The following PKD2L1 variants were observed in gnomAD, a reference collection of about 807,000 sequenced individuals.
The protein encoded by PKD2L1 is polycystin-2-like protein 1.
Under a neutral mutation model 93.0 loss-of-function variants are expected in PKD2L1, and 77 were observed. That is an observed-to-expected ratio of 0.83 (90% CI 0.69 to 1.00). The LOEUF is 1.00. PKD2L1 is among the 50% of genes least tolerant of loss of function. The pLI, the probability that PKD2L1 is intolerant of heterozygous loss-of-function variation, is 0.00. For synonymous variants in PKD2L1, 390 were observed against 388.0 expected (o/e 1.01, Z -0.06); for missense variants, 977 against 990.9 (o/e 0.99, Z 0.19).
chr10:100,290,202 G>A, intron 13 of PKD2L1, 64 bp from the exon 14 acceptor site: 1 of 1,599,268 alleles, frequency 6.3e-7, no homozygotes, highest in Non-Finnish European at 8.5e-7. Context: ...GATGTCTAAA[G>A]AGCCAGGGTT....
chr10:100,290,553 A>T (rs1365106976), intron 12 of PKD2L1, 34 bp from the exon 13 acceptor site: 1 of 1,401,630 alleles, frequency 7.1e-7, no homozygotes, highest in African/African-American at 1.4e-5. Context: ...AGGGGAGGAG[A>T]TAACTCTGGG....
intron 2 of PKD2L1, among the ~76,000 whole-genome samples, chr10:100,313,709 C>A (rs1050138885): frequency 6.6e-6 from 1 of 152,188 alleles, no homozygotes; most frequent in Non-Finnish European, 1.5e-5. Flanking sequence ...TGAGTTATAT[C>A]TATCTACCCT....
Position 100,293,064 on chromosome 10 carries a change from G to T in PKD2L1, c.1764C>A (p.Tyr588Ter). 1.2e-6 allele frequency: 2 copies of T among 1,613,872 alleles called. No homozygotes were observed. The highest frequency in any genetic ancestry group is 1.7e-6 in the Non-Finnish European group (2 of 1,179,888). Residue 588 changes from tyrosine to a stop codon, truncating the protein, a stop_gained, in exon 11 of 16, where the codon TAC (tyrosine) becomes TAA (stop). Transcript: ENST00000318222. LOFTEE classifies it high-confidence loss of function. ...LQLSDLLKQG[Y>*]NKTLLRLRLR... ...GACGCAGTCTTAGTAGGGTCTTGTT[G>T]TAGCCCTGAAAGGGAAAGGAAATAG...
At chr10:100,305,238 A>G (rs1848771880) in intron 2 of PKD2L1, among the ~76,000 whole-genome samples, 1 of 151,270 alleles carries the variant, frequency 6.6e-6, no homozygotes, top group South Asian at 2.1e-4. Flanking sequence ...CAGGCTCCTG[A>G]GTAGCTGGGA....
chr10:100,294,611 G>A lies in PKD2L1; in HGVS notation c.1583C>T (p.Ala528Val). The change falls in exon 9 of 16, where the codon GCT (alanine) becomes GTT (valine). Residue 528 changes from alanine to valine, a missense_variant. Ala to Val is a moderately conservative substitution (Grantham distance 64). Coordinates refer to ENST00000318222, the MANE Select transcript of PKD2L1 (RefSeq NM_016112.3). ...CAGGATGCGGTTGGCATTGTCGATA[G>A]CATTGTAGTCAAAGTCCCCGAGGAT... ...RIILGDFDYN[A>V]IDNANRILGP... 6.2e-7 allele frequency: 1 copy of A among 1,613,970 alleles called. No individual in the cohort carries two copies. The highest frequency in any genetic ancestry group is 8.5e-7 in the Non-Finnish European group (1 of 1,179,902).
chr10:100,321,746 AGAAAGAAAGAAGGGAGGGAGGGAG>A (rs1849246613), intron 2 of PKD2L1, among the ~76,000 whole-genome samples: 1 of 6,472 alleles, frequency 1.5e-4, no homozygotes, highest in Non-Finnish European at 3.8e-4. Flanking sequence ...AAAGAAAGAA[AGAAAGAAAGAAGGGAGGGAGGGAG>A]GGAGGGAGGG....
intron 2 of PKD2L1, among the ~76,000 whole-genome samples, chr10:100,315,116 G>A (rs11190473): frequency 0.26 from 18,533 of 70,980 alleles, 5,666 homozygotes; most frequent in African/African-American, 0.48. Flanking sequence ...GAAGGGAAGG[G>A]AAGAGAAAAC....
Position 100,297,220 on chromosome 10 carries a change from G to C in PKD2L1, c.957-12C>G, listed in dbSNP as rs367847029. 2 of 1,611,012 alleles carry C rather than the reference G, an allele frequency of 1.2e-6. No individual in the cohort carries two copies. The highest frequency in any genetic ancestry group is 2.2e-5 in the South Asian group (2 of 90,972). On this transcript the variant is annotated splice_polypyrimidine_tract_variant and intron_variant, in intron 5 of 15. Coordinates refer to ENST00000318222, the MANE Select transcript of PKD2L1 (RefSeq NM_016112.3). ...ACTCCACCACCAGCCTATAGGGGGA[G>C]GGGGAGATGACCTCCAGTGGAGCCT...
chr10:100,304,237 C>A (rs974371057), intron 2 of PKD2L1, among the ~76,000 whole-genome samples: 1 of 152,194 alleles, frequency 6.6e-6, no homozygotes, highest in Non-Finnish European at 1.5e-5. Flanking sequence ...TACAAACACT[C>A]TTTCTCCCTC....
intron 9 of PKD2L1, among the ~76,000 whole-genome samples, chr10:100,294,100 G>A (rs1259454421): frequency 6.6e-6 from 1 of 152,136 alleles, no homozygotes; most frequent in Non-Finnish European, 1.5e-5. Context: ...GTGACAGAGT[G>A]AGACCCTGTC....
chr10:100,302,350 G>A (rs1463073255), intron 2 of PKD2L1, among the ~76,000 whole-genome samples: 1 of 150,756 alleles, frequency 6.6e-6, no homozygotes, highest in Non-Finnish European at 1.5e-5. Flanking sequence ...TATTTATTTT[G>A]TTGCTCAGGT....
intron 2 of PKD2L1, among the ~76,000 whole-genome samples, chr10:100,306,626 C>T (rs543725313): frequency 1.3e-5 from 2 of 151,850 alleles, no homozygotes; most frequent in African/African-American, 2.4e-5. Flanking sequence ...CTTTGAGAGG[C>T]CAAAGCGAGT....
chr10:100,299,745 C>A, intron 2 of PKD2L1, 27 bp from the exon 3 acceptor site: 1 of 1,610,464 alleles, frequency 6.2e-7, no homozygotes, highest in Non-Finnish European at 8.5e-7. Flanking sequence ...GAGGCTATGT[C>A]CTTCTCACTG....
intron 2 of PKD2L1, among the ~76,000 whole-genome samples, chr10:100,309,695 G>A (rs1393365058): frequency 6.6e-6 from 1 of 152,088 alleles, no homozygotes; most frequent in African/African-American, 2.4e-5. Context: ...ACCCATTTCA[G>A]GTCAAGGAGT....
intron 2 of PKD2L1, among the ~76,000 whole-genome samples, chr10:100,307,281 C>T (rs1848825885): frequency 6.6e-6 from 1 of 152,192 alleles, no homozygotes; most frequent in African/African-American, 2.4e-5. Context: ...CCAAGGAAAA[C>T]AACTAATGGA....
At position 100,294,982 on chromosome 10, in the gene PKD2L1, C is replaced by G. The variant is rs201327385; in HGVS notation, c.1498G>C (p.Gly500Arg). 1 of 1,614,038 alleles carries G rather than the reference C, an allele frequency of 6.2e-7. No homozygotes were observed. Among genetic ancestry groups the G allele is most frequent in the South Asian group, 1.1e-5 (1 of 91,070 alleles). The stretch of plus-strand genomic sequence containing the variant: ...GTGCTAAAGTTTTCCACTTGGGTCC[C>G]GAAAAGCAGGTAGCCGAGTTGGGCA... ...AYAQLGYLLF[G>R]TQVENFSTFI... Residue 500 changes from glycine (G) to arginine (R), a missense_variant, in exon 8 of 16, where the codon GGG becomes CGG. Coordinates refer to ENST00000318222, the MANE Select transcript of PKD2L1 (RefSeq NM_016112.3).
In PKD2L1 at chr10:100,329,298, T is replaced by A. The variant is rs756844053; in HGVS notation, c.262A>T (p.Asn88Tyr). The change falls in exon 2 of 16, where the codon AAC becomes TAC. Residue 88 changes from asparagine (N) to tyrosine (Y), a missense_variant. By Grantham distance (143) the Asn-to-Tyr change is moderately radical. Coordinates refer to ENST00000318222, the MANE Select transcript of PKD2L1 (RefSeq NM_016112.3). ...TAAAGTTCCCGGTTCTCAGCTGTGT[T>A]CTCAGTCAGGGTTGTTCCCCAAAGT... ...RGLWGTTLTE[N>Y]TAENRELYIK... is the part of the protein sequence containing the mutation. 2 of 1,614,154 alleles carry A rather than the reference T, an allele frequency of 1.2e-6. No individual in the cohort carries two copies. Among genetic ancestry groups the A allele is most frequent in the Non-Finnish European group, 1.7e-6 (2 of 1,180,002 alleles).
At chr10:100,317,261 C>T (rs1048133177) in intron 2 of PKD2L1, among the ~76,000 whole-genome samples, 6 of 151,998 alleles carry the variant, frequency 3.9e-5, no homozygotes, top group South Asian at 2.1e-4. Flanking sequence ...AAAATTTGGC[C>T]GAGCACAGTG....
At chr10:100,300,437 C>G (rs1848649855) in intron 2 of PKD2L1, among the ~76,000 whole-genome samples, 1 of 152,142 alleles carries the variant, frequency 6.6e-6, no homozygotes, top group African/African-American at 2.4e-5. Flanking sequence ...AACTTGATCT[C>G]CCTCATGCAC....
Sources: allele counts gnomAD v4.1 joint callset (sites outside exome capture counted in the v4.1 genomes callset), GRCh38; gene constraint gnomAD v4.1.1; transcripts MANE v1.5; gene names NCBI Gene and HGNC (gene_info 2026-07-23, HGNC 2026-07-21).